CDKN2B-AS1: variants seen among roughly 807,000 people sequenced by gnomAD.
CDKN2B-AS1 encodes CDKN2B and CDKN2A antisense cis and trans regulatory RNA 1.
intron 1 of CDKN2B-AS1, among the ~76,000 whole-genome samples, chr9:22,035,334 C>G (rs1186497917): frequency 1.4e-5 from 2 of 146,512 alleles, no homozygotes; most frequent in Non-Finnish European, 3.0e-5. Flanking sequence ...TAAGATAGAA[C>G]TAATACCATT....
intron 3 of CDKN2B-AS1, among the ~76,000 whole-genome samples, chr9:22,055,872 G>T (rs184914826): frequency 6.6e-6 from 1 of 152,200 alleles, no homozygotes; most frequent in East Asian, 1.9e-4. Flanking sequence ...TTGGCATATA[G>T]GGAGGATGAA....
chr9:22,045,550 T>C (rs1454419499), intron 1 of CDKN2B-AS1, among the ~76,000 whole-genome samples: 2 of 152,094 alleles, frequency 1.3e-5, no homozygotes, highest in East Asian at 3.9e-4. Flanking sequence ...AGTCAATTTT[T>C]TTTTTCTAAA....
chr9:22,095,971 T>C (rs1825261014), intron 4 of CDKN2B-AS1, among the ~76,000 whole-genome samples: 1 of 152,114 alleles, frequency 6.6e-6, no homozygotes, highest in Non-Finnish European at 1.5e-5. Flanking sequence ...ATTTTGAGCC[T>C]ATGTGTGTTT....
chr9:22,055,307 T>C (rs1823514946), intron 3 of CDKN2B-AS1, among the ~76,000 whole-genome samples: 1 of 152,228 alleles, frequency 6.6e-6, no homozygotes, highest in Non-Finnish European at 1.5e-5. Flanking sequence ...TAGCAATTTT[T>C]AATATTCTGC....
chr9:21,998,036 G>A (rs2811712), intron 1 of CDKN2B-AS1, among the ~76,000 whole-genome samples: 130,153 of 152,228 alleles, frequency 0.85, 55,900 homozygotes, highest in Admixed American at 0.9. Flanking sequence ...TGAATAAAAG[G>A]ATAATTATAT....
chr9:22,079,988 C>A (rs937579340), intron 4 of CDKN2B-AS1, among the ~76,000 whole-genome samples: 3 of 152,228 alleles, frequency 2.0e-5, no homozygotes, highest in Non-Finnish European at 2.9e-5. Flanking sequence ...TTTACAGAAT[C>A]TGCCTGTTCA....
In CDKN2B-AS1 at chr9:22,115,428, C is replaced by T. The variant is rs150165244; in HGVS notation, n.439-11675C>T. 1.8e-3 allele frequency among the ~76,000 whole-genome samples: 268 copies of T among 152,104 alleles called. 1 individual carries two copies. The highest frequency in any genetic ancestry group is 6.0e-3 in the African/African-American group (250 of 41,468). ...ACTCCAGGGTCTCCCCTCTCAGAAG[C>T]GAGGGAGACTTAAACCTTTTACATC... On this transcript the variant is annotated intron_variant and non_coding_transcript_variant, in intron 4 of 4. Transcript: ENST00000650946.
chr9:22,091,253 G>A (rs890173506), intron 4 of CDKN2B-AS1, among the ~76,000 whole-genome samples: 1 of 152,168 alleles, frequency 6.6e-6, no homozygotes, highest in African/African-American at 2.4e-5. Context: ...TTTGAAGTCA[G>A]GTAGCGTGAT....
intron 1 of CDKN2B-AS1, chr9:22,012,298 A>G (rs1821543737): frequency 6.8e-7 from 1 of 1,469,820 alleles, no homozygotes; most frequent in African/African-American, 1.4e-5. Context: ...TTGCCAGCAA[A>G]CAGCTGGAGG....
chr9:22,095,150 C>G (rs1428174005), intron 4 of CDKN2B-AS1, among the ~76,000 whole-genome samples: 1 of 144,700 alleles, frequency 6.9e-6, no homozygotes, highest in Non-Finnish European at 1.5e-5. Context: ...AGCAAATGTT[C>G]CTGCCTGATT....
At chr9:22,027,436 A>G (rs1423351576) in intron 1 of CDKN2B-AS1, among the ~76,000 whole-genome samples, 1 of 152,240 alleles carries the variant, frequency 6.6e-6, no homozygotes, top group Non-Finnish European at 1.5e-5. Flanking sequence ...AAATGCCAGG[A>G]GAAGGCGTTT....
intron 4 of CDKN2B-AS1, chr9:22,120,093 G>A (rs1826059940): frequency 6.6e-6 from 1 of 152,202 alleles, no homozygotes; most frequent in Admixed American, 6.5e-5. Flanking sequence ...TTGTTGTGAA[G>A]ATTCAATGAG....
In CDKN2B-AS1 at chr9:22,042,086, C is replaced by T. The variant is rs114141826; in HGVS notation, n.30-4665C>T. Among the ~76,000 whole-genome samples the T allele has an allele frequency of 3.9e-3, 599 of 152,082 alleles. 7 individuals carry two copies. The highest frequency in any genetic ancestry group is 0.013 in the African/African-American group (552 of 41,524). Reference sequence around the variant, plus strand: ...TGAAGGACTAGCCCAGCAGGTTCTACGGGTGAGATCACTGCTAGCTCATTC... The same window carrying T: ...TGAAGGACTAGCCCAGCAGGTTCTATGGGTGAGATCACTGCTAGCTCATTC... On this transcript the variant is annotated intron_variant and non_coding_transcript_variant, in intron 1 of 4. Transcript: ENST00000650946.
chr9:22,059,730 C>T (rs1474462138), intron 4 of CDKN2B-AS1, among the ~76,000 whole-genome samples: 1 of 152,216 alleles, frequency 6.6e-6, no homozygotes, highest in East Asian at 1.9e-4. Flanking sequence ...CATGAGAGCC[C>T]CGCCCCAGCA....
chr9:22,035,955 G>A (rs1260591926), intron 1 of CDKN2B-AS1, among the ~76,000 whole-genome samples: 1 of 152,094 alleles, frequency 6.6e-6, no homozygotes, highest in Non-Finnish European at 1.5e-5. Flanking sequence ...CTGAGGTGTT[G>A]GCTTAGCCAC....
intron 3 of CDKN2B-AS1, chr9:22,049,322 C>T (rs1253516733): frequency 6.6e-6 from 1 of 152,194 alleles, no homozygotes; most frequent in African/African-American, 2.4e-5. Flanking sequence ...GAGTTTTAGT[C>T]TAAGTGGAAT....
chr9:22,112,393 C>G (rs1368441856), intron 4 of CDKN2B-AS1: 2 of 152,182 alleles, frequency 1.3e-5, no homozygotes, highest in African/African-American at 2.4e-5. Flanking sequence ...ACATCCACCA[C>G]TGGTGAGAGA....
In CDKN2B-AS1 at chr9:21,999,785, A is replaced by G. The variant is rs1404701852; in HGVS notation, n.29+4624A>G. Among the ~76,000 whole-genome samples the G allele has an allele frequency of 6.6e-6, 1 of 152,162 alleles. No individual in the cohort carries two copies. The highest frequency in any genetic ancestry group is 1.5e-5 in the Non-Finnish European group (1 of 68,002). On this transcript the variant is annotated intron_variant and non_coding_transcript_variant, in intron 1 of 4. Transcript: ENST00000650946. The surrounding 1 kb of genome is among the most constrained non-coding windows in gnomAD (Gnocchi z 4.7). Reference sequence around the variant, plus strand: ...CATAAAATAATAAAACTGTGCATCCATAAACAATAATGAAGCACATCTATA... The same window carrying G: ...CATAAAATAATAAAACTGTGCATCCGTAAACAATAATGAAGCACATCTATA...
In CDKN2B-AS1 at chr9:22,039,108, C is replaced by G. The variant is rs1023324253; in HGVS notation, n.30-7643C>G. Among the ~76,000 whole-genome samples, 3 of 151,918 alleles carry G rather than the reference C, an allele frequency of 2.0e-5. No homozygotes were observed. The highest frequency in any genetic ancestry group is 7.2e-5 in the African/African-American group (3 of 41,416). On this transcript the variant is annotated intron_variant and non_coding_transcript_variant, in intron 1 of 4. Transcript: ENST00000650946. The surrounding 1 kb of genome is among the most constrained non-coding windows in gnomAD (Gnocchi z 4.4). Reference sequence around the variant, plus strand: ...TTCTTTACTAAATAACTCTAGGGAACAGTACCTTAAAAATATTCAAAATGA... The same window carrying G: ...TTCTTTACTAAATAACTCTAGGGAAGAGTACCTTAAAAATATTCAAAATGA...
Sources: gnomAD v4.1 joint callset for allele counts (sites outside exome capture counted in the v4.1 genomes callset) on GRCh38, gnomAD v4.1.1 for gene constraint, Gnocchi (gnomAD v3.1) non-coding constraint, MANE v1.5 for transcripts, NCBI Gene and HGNC (gene_info 2026-07-23, HGNC 2026-07-21) for gene names.